TMEM178B: variants seen among roughly 807,000 people sequenced by gnomAD.
TMEM178B encodes the protein transmembrane protein 178B.
TMEM178B carries 5 observed loss-of-function variants against 31.0 expected under a neutral mutation model. That is an observed-to-expected ratio of 0.16 (90% CI 0.08 to 0.34). The LOEUF (loss-of-function observed/expected upper bound fraction) is 0.34. Ranked by LOEUF, TMEM178B falls within the 10% of genes least tolerant of loss-of-function variation. TMEM178B has a pLI of 1.00. For missense variants in TMEM178B, 275 were observed against 400.3 expected (o/e 0.69, Z 2.67); for synonymous variants, 164 against 164.0 (o/e 1.00, Z 0.00).
At chr7:141,399,403 T>C (rs1800714494) in intron 2 of TMEM178B, among the ~76,000 whole-genome samples, 1 of 152,238 alleles carries the variant, frequency 6.6e-6, no homozygotes, top group African/African-American at 2.4e-5. Context: ...TTTGAATATA[T>C]TAGCTGATAT....
chr7:141,485,584 A>T, the TMEM178B span, among the ~76,000 whole-genome samples: 19 of 152,382 alleles, frequency 1.2e-4, no homozygotes, highest in East Asian at 3.7e-3. Flanking sequence ...GCCTGTGCAA[A>T]GTCCCACTGG....
chr7:141,340,947 T>C (rs1246894429), intron 2 of TMEM178B, among the ~76,000 whole-genome samples: 1 of 152,178 alleles, frequency 6.6e-6, no homozygotes, highest in African/African-American at 2.4e-5. Context: ...TCACTAAATA[T>C]GAAACTCACC....
intron 1 of TMEM178B, among the ~76,000 whole-genome samples, chr7:141,142,976 A>T (rs2129179432): frequency 6.6e-6 from 1 of 152,266 alleles, no homozygotes; most frequent in Middle Eastern, 3.4e-3. Flanking sequence ...ATGATTAGTT[A>T]TGTGGAGCAT....
intron 1 of TMEM178B, among the ~76,000 whole-genome samples, chr7:141,131,869 T>C (rs931100244): frequency 6.6e-6 from 1 of 152,206 alleles, no homozygotes; most frequent in Non-Finnish European, 1.5e-5. Context: ...AAACTGGCTG[T>C]CCTCAAAAGT....
At chr7:141,166,729 A>G (rs1315355536) in intron 1 of TMEM178B, among the ~76,000 whole-genome samples, 1 of 152,218 alleles carries the variant, frequency 6.6e-6, no homozygotes, top group East Asian at 1.9e-4. Flanking sequence ...GAACTTGATC[A>G]CTGCCAAGTC....
At chr7:141,480,529 A>G (rs1057033904), downstream of TMEM178B, 9 of 152,256 alleles carry the variant, frequency 5.9e-5, no homozygotes, top group Admixed American at 1.3e-4. Context: ...AATGCAGAAG[A>G]AAATAGATAG....
intron 2 of TMEM178B, among the ~76,000 whole-genome samples, chr7:141,247,217 A>G (rs1797751101): frequency 6.6e-6 from 1 of 151,962 alleles, no homozygotes; most frequent in Admixed American, 6.6e-5. Context: ...ACACACACAC[A>G]CACACACACA....
At chr7:141,392,332 A>G (rs1476841409) in intron 2 of TMEM178B, among the ~76,000 whole-genome samples, 3 of 152,242 alleles carry the variant, frequency 2.0e-5, no homozygotes, top group Non-Finnish European at 4.4e-5. Flanking sequence ...TTTGCTTAAA[A>G]GAAAATTTAT....
At chr7:141,452,065 C>T (rs1337095289) in intron 3 of TMEM178B, among the ~76,000 whole-genome samples, 1 of 152,156 alleles carries the variant, frequency 6.6e-6, no homozygotes, top group Non-Finnish European at 1.5e-5. Context: ...TTGCCCTTTT[C>T]TACCTATAAA....
chr7:141,250,898 A>G (rs571527139), intron 2 of TMEM178B, among the ~76,000 whole-genome samples: 1 of 152,270 alleles, frequency 6.6e-6, no homozygotes, highest in Middle Eastern at 3.4e-3. Context: ...TTAGGTCCAA[A>G]GCATTGTCTC....
At chr7:141,341,104 T>C (rs1237866443) in intron 2 of TMEM178B, among the ~76,000 whole-genome samples, 2 of 152,218 alleles carry the variant, frequency 1.3e-5, no homozygotes, top group African/African-American at 4.8e-5. Flanking sequence ...TTCTACCTTC[T>C]TCCTCAACCC....
intron 2 of TMEM178B, among the ~76,000 whole-genome samples, chr7:141,356,117 C>T (rs529897290): frequency 1.2e-4 from 18 of 152,296 alleles, no homozygotes; most frequent in African/African-American, 4.1e-4. Flanking sequence ...TCCAATCCGT[C>T]ATTGATGGGC....
rs1256796047 is a variant in TMEM178B at position 141,157,439 on chromosome 7, A to G, written c.383-55152A>G. ...CTCCTGCGCGCGTGCACACACACAC[A>G]CACGCACACACACACGCACACCAGC... On this transcript the variant is annotated intron_variant, in intron 1 of 3. Coordinates refer to ENST00000565468, the MANE Select transcript of TMEM178B (RefSeq NM_001195278.2). 3.9e-5 allele frequency among the ~76,000 whole-genome samples: 6 copies of G among 151,978 alleles called. No individual in the cohort carries two copies. In the East Asian group the frequency reaches 5.8e-4, roughly 15 times the overall value.
intron 3 of TMEM178B, among the ~76,000 whole-genome samples, chr7:141,468,951 C>T (rs937628233): frequency 2.0e-5 from 3 of 152,176 alleles, no homozygotes; most frequent in Admixed American, 6.5e-5. Flanking sequence ...GCCACCCCAT[C>T]CTAATCTTTT....
rs1367323166 is a variant in TMEM178B, at chr7:141,074,456, G to A, written c.146G>A (p.Arg49His). Residue 49 changes from arginine (R) to histidine (H), a missense_variant, in exon 1 of 4, where the codon CGC becomes CAC. Physicochemically the swap from Arg to His is conservative, Grantham distance 29. Transcript: ENST00000565468. This position sits in a 1 kb window ranked among gnomAD's most constrained non-coding sequence, Gnocchi z 5.1. ...HRDRCKAFNT[R>H]RVDPGFIYNN... ...GACAGGTGCAAGGCCTTCAACACCC[G>A]CCGGGTCGACCCCGGCTTCATTTAC... The A allele has an allele frequency of 6.5e-7, 1 of 1,536,114 alleles. No homozygotes were observed. Among genetic ancestry groups the A allele is most frequent in the Non-Finnish European group, 8.7e-7 (1 of 1,146,866 alleles).
At chr7:141,409,153 A>G (rs1800936738) in intron 2 of TMEM178B, among the ~76,000 whole-genome samples, 1 of 152,016 alleles carries the variant, frequency 6.6e-6, no homozygotes, top group Non-Finnish European at 1.5e-5. Flanking sequence ...AGATGCAGAG[A>G]CTCGATGCAC....
At chr7:141,128,706 A>G (rs1051929131) in intron 1 of TMEM178B, among the ~76,000 whole-genome samples, 1 of 152,182 alleles carries the variant, frequency 6.6e-6, no homozygotes, top group African/African-American at 2.4e-5. Flanking sequence ...GAGGAACTGA[A>G]GTCAGACATT....
intron 2 of TMEM178B, among the ~76,000 whole-genome samples, chr7:141,348,821 T>C (rs916553338): frequency 1.3e-5 from 2 of 152,070 alleles, no homozygotes; most frequent in African/African-American, 4.8e-5. Flanking sequence ...AAACCTCAAC[T>C]AGGTTACAGA....
At position 141,367,870 on chromosome 7, in the gene TMEM178B, G is replaced by A. The variant is rs371931671; in HGVS notation, c.497-69738G>A. 3.5e-3 allele frequency among the ~76,000 whole-genome samples: 534 copies of A among 152,182 alleles called. 4 individuals carry two copies. The highest frequency in any genetic ancestry group is 0.031 in the South Asian group (148 of 4,816). ...TGGGGTTCCAAGCAGAGGAAAGCACGAATGCAAAGACCTTTAGAGCAGGTC... is the reference window on the plus strand; with the variant it reads ...TGGGGTTCCAAGCAGAGGAAAGCACAAATGCAAAGACCTTTAGAGCAGGTC... On this transcript the variant is annotated intron_variant, in intron 2 of 3. Coordinates refer to ENST00000565468, the MANE Select transcript of TMEM178B (RefSeq NM_001195278.2).
Sources: allele counts gnomAD v4.1 joint callset (sites outside exome capture counted in the v4.1 genomes callset), GRCh38; gene constraint gnomAD v4.1.1; non-coding constraint Gnocchi (gnomAD v3.1); transcripts MANE v1.5; gene names NCBI Gene and HGNC (gene_info 2026-07-23, HGNC 2026-07-21).